The following NCAM1 variants were observed in gnomAD, a reference collection of about 807,000 sequenced individuals.
The protein encoded by NCAM1 is neural cell adhesion molecule 1, also known as antigen recognized by monoclonal antibody 5.1H11.
Under a neutral mutation model 109.8 loss-of-function variants are expected in NCAM1, and 14 were observed. That is an observed-to-expected ratio of 0.13 (90% CI 0.08 to 0.20). The LOEUF (loss-of-function observed/expected upper bound fraction) is 0.20. Ranked by LOEUF, NCAM1 falls within the 10% of genes least tolerant of loss-of-function variation. The probability of loss-of-function intolerance (pLI) is 1.00; values close to 1 mark genes in which losing one functional copy is unlikely to be tolerated. For missense variants in NCAM1, 774 were observed against 1,109.9 expected (o/e 0.70, Z 4.30); for synonymous variants, 418 against 442.9 (o/e 0.94, Z 0.70).
At chr11:113,036,928 G>A (rs1426000278) in intron 1 of NCAM1, among the ~76,000 whole-genome samples, 1 of 152,076 alleles carries the variant, frequency 6.6e-6, no homozygotes, top group East Asian at 1.9e-4. Flanking sequence ...CCAGGAACAG[G>A]TGGGCATTCA....
chr11:112,990,817 C>T (rs1015743770), intron 1 of NCAM1, among the ~76,000 whole-genome samples: 11 of 152,288 alleles, frequency 7.2e-5, no homozygotes, highest in African/African-American at 2.2e-4. Flanking sequence ...TCTGTCACCT[C>T]GGTGTAGTGC....
intron 1 of NCAM1, among the ~76,000 whole-genome samples, chr11:112,995,547 T>C (rs4381397): frequency 0.45 from 68,600 of 151,996 alleles, 16,364 homozygotes; most frequent in East Asian, 0.8. Flanking sequence ...TATGTAGGAA[T>C]AGCCAGAATT....
At chr11:113,094,658 T>C (rs1939512145) in intron 1 of NCAM1, among the ~76,000 whole-genome samples, 1 of 152,178 alleles carries the variant, frequency 6.6e-6, no homozygotes, top group South Asian at 2.1e-4. Flanking sequence ...CCCCACACTC[T>C]TGTTAACTGC....
chr11:113,019,753 A>G (rs1225263163), intron 1 of NCAM1, among the ~76,000 whole-genome samples: 1 of 152,164 alleles, frequency 6.6e-6, no homozygotes, highest in Non-Finnish European at 1.5e-5. Context: ...GACACATAAG[A>G]TTTCATATGT....
chr11:113,089,865 G>A (rs993629954), intron 1 of NCAM1, among the ~76,000 whole-genome samples: 1 of 152,118 alleles, frequency 6.6e-6, no homozygotes, highest in African/African-American at 2.4e-5. Context: ...AACCAAAGAA[G>A]TACAACCAAG....
chr11:113,200,371 T>A (rs1555111630), intron 1 of NCAM1, among the ~76,000 whole-genome samples: 1 of 152,210 alleles, frequency 6.6e-6, no homozygotes, highest in Non-Finnish European at 1.5e-5. Context: ...TAAGGCTCCA[T>A]GCTCCCCAAG....
chr11:113,134,265 G>T (rs940013640), intron 1 of NCAM1, among the ~76,000 whole-genome samples: 1 of 152,100 alleles, frequency 6.6e-6, no homozygotes, highest in Non-Finnish European at 1.5e-5. Context: ...ATTATTTTAC[G>T]TAGCATAATA....
intron 1 of NCAM1, among the ~76,000 whole-genome samples, chr11:112,996,174 C>T (rs1951591401): frequency 6.6e-6 from 1 of 152,166 alleles, no homozygotes; most frequent in Non-Finnish European, 1.5e-5. Context: ...GTACACTTTG[C>T]ATTGTTGTAA....
At chr11:113,036,488 A>C (rs1952890377) in intron 1 of NCAM1, among the ~76,000 whole-genome samples, 1 of 150,840 alleles carries the variant, frequency 6.6e-6, no homozygotes, top group African/African-American at 2.4e-5. Context: ...TTGCCCCTGC[A>C]CTCACCTCCC....
intron 1 of NCAM1, among the ~76,000 whole-genome samples, chr11:113,003,195 G>A (rs575992349): frequency 6.6e-6 from 1 of 152,342 alleles, no homozygotes; most frequent in African/African-American, 2.4e-5. Flanking sequence ...CTCTTGTCCA[G>A]CGATCTCTCT....
chr11:113,138,980 T>G (rs956552986), intron 1 of NCAM1, among the ~76,000 whole-genome samples: 1 of 152,210 alleles, frequency 6.6e-6, no homozygotes, highest in Non-Finnish European at 1.5e-5. Context: ...GATTCTGATA[T>G]GGAGGCAAAT....
At chr11:113,266,317 CACAA>C (rs1434894618) in intron 17 of NCAM1, among the ~76,000 whole-genome samples, 13 of 152,286 alleles carry the variant, frequency 8.5e-5, no homozygotes, top group Admixed American at 8.5e-4. Context: ...TTGTAAAAGC[CACAA>C]ACATTCTCTT....
chr11:113,090,675 G>A (rs1254372694), intron 1 of NCAM1, among the ~76,000 whole-genome samples: 1 of 152,162 alleles, frequency 6.6e-6, no homozygotes, highest in Non-Finnish European at 1.5e-5. Flanking sequence ...AGAGGGAAAG[G>A]ATAAAAGGGA....
At chr11:113,198,083 C>T (rs2136825085) in intron 1 of NCAM1, among the ~76,000 whole-genome samples, 1 of 152,210 alleles carries the variant, frequency 6.6e-6, no homozygotes, top group South Asian at 2.1e-4. Flanking sequence ...ATCAGTCTCC[C>T]ATGGGGCTAT....
rs974056776 is a variant in NCAM1 at position 113,214,394 on chromosome 11, G to A, written c.942G>A (p.Glu314=). Reference sequence around the variant, plus strand: ...CAAAACCCAAAATCACATATGTAGAGAACCAGACTGCCATGGAATTAGAGG... The same window carrying A: ...CAAAACCCAAAATCACATATGTAGAAAACCAGACTGCCATGGAATTAGAGG... ...VFAKPKITYV[E]NQTAMELEEQ... The change falls in exon 8 of 20, where the codon GAG becomes GAA. Residue 314 remains glutamate (E), a synonymous_variant. Coordinates refer to ENST00000316851, the MANE Select transcript of NCAM1 (RefSeq NM_181351.5). 1.2e-6 allele frequency: 2 copies of A among 1,613,940 alleles called. No individual in the cohort carries two copies. The highest frequency in any genetic ancestry group is 1.7e-6 in the Non-Finnish European group (2 of 1,179,850).
intron 1 of NCAM1, among the ~76,000 whole-genome samples, chr11:113,180,479 A>C (rs1943297201): frequency 6.6e-6 from 1 of 152,258 alleles, no homozygotes; most frequent in African/African-American, 2.4e-5. Flanking sequence ...CTTGATACTA[A>C]AAGAATTATA....
chr11:113,194,026 G>A (rs1461237092), intron 1 of NCAM1, among the ~76,000 whole-genome samples: 1 of 152,108 alleles, frequency 6.6e-6, no homozygotes, highest in Non-Finnish European at 1.5e-5. Context: ...CTGTTATCTG[G>A]CTTGGCTCTG....
rs372680100 is a variant in NCAM1, at chr11:113,074,215, A to G, written c.52+112551A>G. 1.4e-4 allele frequency among the ~76,000 whole-genome samples: 21 copies of G among 152,346 alleles called. 1 individual carries two copies. The East Asian group carries it at 1.5e-3, about 11-fold the overall frequency. ...AAATATGAGGGCATGTCGTGGAGCA[A>G]TTGAAGAAGAAATAATAAATTTGGA... On this transcript the variant is annotated intron_variant, in intron 1 of 19. Coordinates refer to ENST00000316851, the MANE Select transcript of NCAM1 (RefSeq NM_181351.5).
intron 14 of NCAM1, among the ~76,000 whole-genome samples, chr11:113,245,859 T>C (rs1945485105): frequency 1.3e-5 from 2 of 152,264 alleles, no homozygotes; most frequent in Admixed American, 6.5e-5. Context: ...ATGACCCATA[T>C]TCTGTTTCAT....
Sources: gnomAD v4.1 joint callset for allele counts (sites outside exome capture counted in the v4.1 genomes callset) on GRCh38, gnomAD v4.1.1 for gene constraint, MANE v1.5 for transcripts, NCBI Gene and HGNC (gene_info 2026-07-23, HGNC 2026-07-21) for gene names.